The following PRKN variants were observed in gnomAD, a reference collection of about 807,000 sequenced individuals.
The protein encoded by PRKN is parkin RBR E3 ubiquitin protein ligase.
Under a neutral mutation model 59.5 loss-of-function variants are expected in PRKN, and 56 were observed. The observed-to-expected ratio is 0.94, with a 90% confidence interval of 0.76 to 1.18. The LOEUF is 1.18. Among genes scored for constraint, PRKN ranks in the 50% most tolerant of loss-of-function variants. The probability of loss-of-function intolerance (pLI) is 0.00; values close to 1 mark genes in which losing one functional copy is unlikely to be tolerated. For synonymous variants in PRKN, 250 were observed against 222.1 expected (o/e 1.13, Z -1.12); for missense variants, 657 against 596.4 (o/e 1.10, Z -1.06).
chr6:161,817,149 A>G (rs887099508), intron 6 of PRKN, among the ~76,000 whole-genome samples: 1 of 152,214 alleles, frequency 6.6e-6, no homozygotes, highest in Non-Finnish European at 1.5e-5. Flanking sequence ...CTGGAATCAC[A>G]TTAAAAACTC....
At chr6:162,526,186 T>C (rs151200709) in intron 1 of PRKN, among the ~76,000 whole-genome samples, 6 of 149,130 alleles carry the variant, frequency 4.0e-5, no homozygotes, top group African/African-American at 7.4e-5. Context: ...AAAATGTAGA[T>C]GACAAACTAT....
chr6:161,779,435 C>CTTTCCTTTTTTTTTTTTTTTTTTTTT (rs1234367519), intron 7 of PRKN, among the ~76,000 whole-genome samples: 3 of 40,432 alleles, frequency 7.4e-5, no homozygotes, highest in Non-Finnish European at 9.9e-5. Context: ...TTTTTCTTTT[C>CTTTCCTTTTTTTTTTTTTTTTTTTTT]TTTTCTTTTT....
rs531284316 is a variant in PRKN, at chr6:162,111,293, G to A, written c.535-57119C>T. ...ATCCCGGCTAACACAGTGAAACCCCGTCTCTACTAAAAATACAAAAAATTA... is the reference window on the plus strand; with the variant it reads ...ATCCCGGCTAACACAGTGAAACCCCATCTCTACTAAAAATACAAAAAATTA... On this transcript the variant is annotated intron_variant, in intron 4 of 11. Transcript: ENST00000366898. 3.3e-5 allele frequency among the ~76,000 whole-genome samples: 5 copies of A among 152,042 alleles called. No homozygotes were observed. In the South Asian group the frequency reaches 6.2e-4, roughly 19 times the overall value.
chr6:161,600,809 CTCTT>C (rs1269771176), intron 7 of PRKN, among the ~76,000 whole-genome samples: 8 of 152,040 alleles, frequency 5.3e-5, no homozygotes, highest in African/African-American at 1.7e-4. Context: ...CCCCTTTTCT[CTCTT>C]TCTTCTCAGA....
At chr6:162,640,524 G>A (rs1166007569) in intron 1 of PRKN, among the ~76,000 whole-genome samples, 1 of 152,126 alleles carries the variant, frequency 6.6e-6, no homozygotes, top group Non-Finnish European at 1.5e-5. Flanking sequence ...AGGAGAAAGG[G>A]TTTCCTCATA....
At position 162,578,672 on chromosome 6, in the gene PRKN, A is replaced by C. The variant is rs539446704; in HGVS notation, c.8-135199T>G. Among the ~76,000 whole-genome samples, 38 of 152,318 alleles carry C rather than the reference A, an allele frequency of 2.5e-4. No individual in the cohort carries two copies. The South Asian group carries it at 7.0e-3, about 28-fold the overall frequency. On this transcript the variant is annotated intron_variant, in intron 1 of 11. Coordinates refer to ENST00000366898, the MANE Select transcript of PRKN (RefSeq NM_004562.3). ...TAGAATATACTTTTCAAATGGTTTC[A>C]ATACAATAAAGCCTTAAATGTTTTG... is the stretch of plus-strand genomic sequence containing the variant.
intron 2 of PRKN, among the ~76,000 whole-genome samples, chr6:162,264,545 C>G (rs1300742309): frequency 6.6e-6 from 1 of 151,982 alleles, no homozygotes; most frequent in Non-Finnish European, 1.5e-5. Context: ...CCCAGGAGGG[C>G]ACCAGGACAC....
At chr6:162,650,380 G>A (rs1362688637) in intron 1 of PRKN, among the ~76,000 whole-genome samples, 6 of 151,914 alleles carry the variant, frequency 3.9e-5, no homozygotes, top group Middle Eastern at 3.4e-3. Flanking sequence ...GGCGGATCAC[G>A]AGGTCAGGAG....
At chr6:162,577,547 C>A (rs536349071) in intron 1 of PRKN, among the ~76,000 whole-genome samples, 1 of 151,748 alleles carries the variant, frequency 6.6e-6, no homozygotes, top group African/African-American at 2.4e-5. Flanking sequence ...GTGCAGTAAG[C>A]GGAGATCACA....
At chr6:162,486,086 T>G (rs980675284) in intron 1 of PRKN, among the ~76,000 whole-genome samples, 1 of 152,170 alleles carries the variant, frequency 6.6e-6, no homozygotes, top group African/African-American at 2.4e-5. Context: ...GAAACGTGCA[T>G]ACACTTTAAA....
chr6:162,427,781 G>A (rs1404122980), intron 2 of PRKN, among the ~76,000 whole-genome samples: 1 of 151,976 alleles, frequency 6.6e-6, no homozygotes, highest in East Asian at 1.9e-4. Context: ...GGGTAGCTGG[G>A]ACTACAGGCG....
chr6:162,351,619 T>G (rs1186606541), intron 2 of PRKN, among the ~76,000 whole-genome samples: 1 of 152,122 alleles, frequency 6.6e-6, no homozygotes, highest in Non-Finnish European at 1.5e-5. Flanking sequence ...TATACAAATG[T>G]CCAGCTTTAC....
chr6:161,560,098 T>C lies in PRKN; in HGVS notation c.933+9257A>G, dbSNP rs1286335527. Among the ~76,000 whole-genome samples the C allele has an allele frequency of 6.6e-6, 1 of 152,132 alleles. No individual in the cohort carries two copies. The highest frequency in any genetic ancestry group is 6.5e-5 in the Admixed American group (1 of 15,274). On this transcript the variant is annotated intron_variant, in intron 8 of 11. Transcript: ENST00000366898. This position sits in a 1 kb window ranked among gnomAD's most constrained non-coding sequence, Gnocchi z 4.9. ...TCATTCTTATCACCCAAACTGTCAG[T>C]CCCATATGGGTCCATACGTTTCCTA... is the stretch of plus-strand genomic sequence containing the variant.
At position 161,631,693 on chromosome 6, in the gene PRKN, T is replaced by TA. The variant is rs753175232; in HGVS notation, c.872-62278dup. Reference sequence around the variant, plus strand: ...TTTGAAATGTCTTGCTATCTGTAGTTAGAGGAATATCCTCCTCTTCTTACA... The same window carrying TA: ...TTTGAAATGTCTTGCTATCTGTAGTTAAGAGGAATATCCTCCTCTTCTTACA... On this transcript the variant is annotated intron_variant, in intron 7 of 11. Transcript: ENST00000366898. Among the ~76,000 whole-genome samples, 7 of 152,258 alleles carry TA rather than the reference T, an allele frequency of 4.6e-5. No individual in the cohort carries two copies. The South Asian group carries it at 1.5e-3, about 32-fold the overall frequency.
intron 7 of PRKN, among the ~76,000 whole-genome samples, chr6:161,643,586 ATTGCAATCT>A (rs1783818491): frequency 6.6e-6 from 1 of 152,210 alleles, no homozygotes; most frequent in South Asian, 2.1e-4. Context: ...AGAAGTGTAT[ATTGCAATCT>A]ACTTTATTTA....
chr6:161,970,979 C>T (rs765107296), intron 6 of PRKN, among the ~76,000 whole-genome samples: 6 of 152,114 alleles, frequency 3.9e-5, no homozygotes, highest in African/African-American at 1.2e-4. Context: ...GTGGATCCCT[C>T]GAAGTCAGAA....
intron 9 of PRKN, among the ~76,000 whole-genome samples, chr6:161,431,701 C>G (rs2115054170): frequency 6.6e-6 from 1 of 152,144 alleles, no homozygotes; most frequent in Admixed American, 6.5e-5. Context: ...CAACCTCCGC[C>G]TCCCGGGTTC....
rs139132972 is a variant in PRKN, at chr6:162,501,198, C to T, written c.8-57725G>A. Among the ~76,000 whole-genome samples, 1,416 of 152,212 alleles carry T rather than the reference C, an allele frequency of 9.3e-3. 19 individuals are homozygous for T. Among genetic ancestry groups the T allele is most frequent in the Non-Finnish European group, 0.016 (1,059 of 68,004 alleles). On this transcript the variant is annotated intron_variant, in intron 1 of 11. Coordinates refer to ENST00000366898, the MANE Select transcript of PRKN (RefSeq NM_004562.3). ...AAAAGGTGTTTTAATATCCCTCCTC[C>T]CCCAAGCTCCAAAAGATAAATTCTA...
chr6:162,188,587 A>G (rs541453107), intron 4 of PRKN, among the ~76,000 whole-genome samples: 1 of 152,292 alleles, frequency 6.6e-6, no homozygotes, highest in East Asian at 1.9e-4. Flanking sequence ...CTTCTTTCAT[A>G]GTCTTGCCAT....
Sources: gnomAD v4.1 joint callset for allele counts (sites outside exome capture counted in the v4.1 genomes callset) on GRCh38, gnomAD v4.1.1 for gene constraint, Gnocchi (gnomAD v3.1) non-coding constraint, MANE v1.5 for transcripts, NCBI Gene and HGNC (gene_info 2026-07-23, HGNC 2026-07-21) for gene names.